The following SAMD8 variants were observed in gnomAD, a reference collection of about 807,000 sequenced individuals.
The protein encoded by SAMD8 is sphingomyelin synthase-related protein 1.
A neutral mutation model predicts 42.0 loss-of-function variants in SAMD8; 20 were observed. That is an observed-to-expected ratio of 0.48 (90% confidence interval 0.34 to 0.69). The LOEUF is 0.69. Ranked by LOEUF, SAMD8 falls within the 30% of genes least tolerant of loss-of-function variation. The pLI, the probability that SAMD8 is intolerant of heterozygous loss-of-function variation, is 0.01. For synonymous variants in SAMD8, 162 were observed against 173.0 expected (o/e 0.94, Z 0.50); for missense variants, 328 against 511.6 (o/e 0.64, Z 3.46).
chr10:75,148,298 C>T (rs1016478565), intron 1 of SAMD8, among the ~76,000 whole-genome samples: 4 of 146,678 alleles, frequency 2.7e-5, no homozygotes, highest in Admixed American at 6.8e-5. Context: ...TGTAAGTCTT[C>T]GTGGCAGGAG....
intron 1 of SAMD8, among the ~76,000 whole-genome samples, chr10:75,146,348 G>A (rs930966812): frequency 5.3e-5 from 7 of 131,850 alleles, no homozygotes; most frequent in Non-Finnish European, 9.2e-5. Flanking sequence ...GCAATGGCAC[G>A]ATCTCAACTC....
chr10:75,130,587 C>T lies in SAMD8; in HGVS notation c.-16+18865C>T, dbSNP rs867421834. 3.3e-5 allele frequency among the ~76,000 whole-genome samples: 5 copies of T among 152,088 alleles called. No individual in the cohort carries two copies. The South Asian group carries it at 6.2e-4, about 19-fold the overall frequency. On this transcript the variant is annotated intron_variant, in intron 1 of 5. Coordinates refer to ENST00000542569, the MANE Select transcript of SAMD8 (RefSeq NM_001174156.2). ...TTTATTTTCAACCCATCCTTTAGCT[C>T]CAAGGAAAAGCAGCATGAAGTGATG... is the stretch of plus-strand genomic sequence containing the variant.
chr10:75,149,561 C>G (rs74703613), intron 1 of SAMD8, among the ~76,000 whole-genome samples: 1 of 152,146 alleles, frequency 6.6e-6, no homozygotes, highest in Non-Finnish European at 1.5e-5. Context: ...GGCTTCATAT[C>G]TGTTATAGAA....
chr10:75,105,591 G>A, intron 1 of SAMD8: 1 of 1,390,834 alleles, frequency 7.2e-7, no homozygotes, highest in Non-Finnish European at 9.9e-7. Flanking sequence ...CCAATCCTAT[G>A]TCTGCAGCCT....
chr10:75,172,864 C>T (rs565881240), intron 4 of SAMD8, among the ~76,000 whole-genome samples: 56 of 152,182 alleles, frequency 3.7e-4, no homozygotes, highest in Non-Finnish European at 7.6e-4. Flanking sequence ...GAGCTCCTGA[C>T]TTCAAGTGCT....
rs1269597903 is a variant in SAMD8, at chr10:75,176,743, A to G, written c.*51A>G. 7.3e-7 allele frequency: 1 copy of G among 1,368,020 alleles called. No individual in the cohort carries two copies. Among genetic ancestry groups the G allele is most frequent in the Non-Finnish European group, 9.8e-7 (1 of 1,020,910 alleles). The allele number at this position is 1,368,020 out of a possible 1,614,324, so 84.7% of individuals were successfully genotyped here. A position where few individuals can be genotyped will look rare whatever the true frequency, so the allele number is the denominator to read the frequency against. On this transcript the variant is annotated 3_prime_UTR_variant, in exon 6 of 6. Coordinates refer to ENST00000542569, the MANE Select transcript of SAMD8 (RefSeq NM_001174156.2). This position sits in a 1 kb window ranked among gnomAD's most constrained non-coding sequence, Gnocchi z 4.3. ...ATTAAATATATAATAGTTGTTGAAAATGAGTAACTTTGCGTTCTCCCCCTA... is the reference window on the plus strand; with the variant it reads ...ATTAAATATATAATAGTTGTTGAAAGTGAGTAACTTTGCGTTCTCCCCCTA...
At chr10:75,115,487 A>G (rs1238340987) in intron 1 of SAMD8, among the ~76,000 whole-genome samples, 1 of 152,150 alleles carries the variant, frequency 6.6e-6, no homozygotes, top group South Asian at 2.1e-4. Flanking sequence ...ATGTGTGGGT[A>G]TGGATTTGTA....
At chr10:75,127,003 C>G (rs572355469) in intron 1 of SAMD8, among the ~76,000 whole-genome samples, 1 of 152,092 alleles carries the variant, frequency 6.6e-6, no homozygotes, top group East Asian at 1.9e-4. Context: ...GCCTGGCCAG[C>G]ATGGTGAAAA....
chr10:75,162,388 G>T (rs570816200), intron 2 of SAMD8, among the ~76,000 whole-genome samples: 92 of 151,964 alleles, frequency 6.1e-4, no homozygotes, highest in African/African-American at 2.1e-3. Context: ...CGTGGCTCAC[G>T]CCTGTAATCC....
chr10:75,123,591 G>A (rs550983734), intron 1 of SAMD8, among the ~76,000 whole-genome samples: 266 of 152,298 alleles, frequency 1.7e-3, no homozygotes, highest in African/African-American at 6.1e-3. Flanking sequence ...GTGGAAATGG[G>A]GCTGGTTTTT....
chr10:75,125,068 T>C (rs1849099137), intron 1 of SAMD8: 1 of 152,222 alleles, frequency 6.6e-6, no homozygotes. Context: ...ATTATAGGTA[T>C]GAGCCACCAC....
intron 1 of SAMD8, among the ~76,000 whole-genome samples, chr10:75,148,346 C>CTTTT (rs60024591): frequency 7.6e-4 from 63 of 82,558 alleles, no homozygotes; most frequent in African/African-American, 1.8e-3. Context: ...GCAATACCAG[C>CTTTT]TTTTTTTTTT....
At chr10:75,149,851 G>A (rs1564687514) in intron 1 of SAMD8, among the ~76,000 whole-genome samples, 1 of 151,994 alleles carries the variant, frequency 6.6e-6, no homozygotes, top group African/African-American at 2.4e-5. Context: ...CAGTGGAAAA[G>A]CCATTTGTAA....
intron 3 of SAMD8, 113 bp from the exon 4 acceptor site, chr10:75,168,428 A>T (rs57250768): frequency 0.059 from 89,968 of 1,514,804 alleles, 3,506 homozygotes; most frequent in African/African-American, 0.18. Flanking sequence ...TGTCCTCTTC[A>T]AAGAGTCTAG....
intron 2 of SAMD8, among the ~76,000 whole-genome samples, chr10:75,151,421 A>G (rs1201356746): frequency 7.0e-6 from 1 of 143,466 alleles, no homozygotes; most frequent in African/African-American, 2.6e-5. Flanking sequence ...TGGCATGACC[A>G]TGGCTCACTG....
chr10:75,129,631 C>G (rs964507141), intron 1 of SAMD8, among the ~76,000 whole-genome samples: 6 of 152,120 alleles, frequency 3.9e-5, no homozygotes, highest in African/African-American at 1.4e-4. Flanking sequence ...GTTATATAAT[C>G]TTAGGGACAG....
At chr10:75,118,047 T>C (rs1478930455) in intron 1 of SAMD8, among the ~76,000 whole-genome samples, 1 of 152,210 alleles carries the variant, frequency 6.6e-6, no homozygotes, top group Non-Finnish European at 1.5e-5. Context: ...AAAAAGATGT[T>C]ATTTGGTATA....
intron 1 of SAMD8, among the ~76,000 whole-genome samples, chr10:75,127,602 C>T (rs919557964): frequency 8.5e-5 from 13 of 152,176 alleles, no homozygotes; most frequent in African/African-American, 2.4e-4. Flanking sequence ...GCACTGAACA[C>T]GGTTCAGAAC....
intron 1 of SAMD8, among the ~76,000 whole-genome samples, chr10:75,139,113 A>C (rs1589951324): frequency 6.6e-6 from 1 of 150,776 alleles, no homozygotes; most frequent in Admixed American, 6.6e-5. Context: ...GGCATGCACC[A>C]CCACGCCCGA....
Sources: gnomAD v4.1 joint callset for allele counts (sites outside exome capture counted in the v4.1 genomes callset) on GRCh38, gnomAD v4.1.1 for gene constraint, Gnocchi (gnomAD v3.1) non-coding constraint, MANE v1.5 for transcripts, NCBI Gene and HGNC (gene_info 2026-07-23, HGNC 2026-07-21) for gene names.